Variants in DRC8 observed in about 807,000 individuals in gnomAD.
The protein encoded by DRC8 is dynein regulatory complex protein 8.
chr1:245,040,840 T>C, the DRC8 span, among the ~76,000 whole-genome samples: 3 of 152,204 alleles, frequency 2.0e-5, no homozygotes, highest in Admixed American at 6.5e-5. Context: ...AGTGTGAGCT[T>C]TTTCTAGGTG....
the DRC8 span, among the ~76,000 whole-genome samples, chr1:244,978,362 G>A: frequency 1.8e-4 from 28 of 152,046 alleles, no homozygotes; most frequent in African/African-American, 6.3e-4. Context: ...GCATGGTGGC[G>A]CATGCCTGTT....
chr1:245,097,750 G>T, the DRC8 span, among the ~76,000 whole-genome samples: 1 of 152,124 alleles, frequency 6.6e-6, no homozygotes, highest in Non-Finnish European at 1.5e-5. This position sits in a 1 kb window ranked among gnomAD's most constrained non-coding sequence, Gnocchi z 5.0. Context: ...TCCCCTCTAA[G>T]GAGGGGATCT....
chr1:244,971,097 A>C, the DRC8 span: 3 of 153,790 alleles, frequency 2.0e-5, no homozygotes, highest in Non-Finnish European at 4.3e-5. Flanking sequence ...ATGAGGACGC[A>C]GGAGGACGGT....
At chr1:245,044,712 G>T in the DRC8 span, among the ~76,000 whole-genome samples, 12 of 151,916 alleles carry the variant, frequency 7.9e-5, no homozygotes, top group Admixed American at 7.9e-4. Context: ...GATTACAGGC[G>T]CCTGCCACCA....
the DRC8 span, among the ~76,000 whole-genome samples, chr1:245,098,860 C>T: frequency 2.0e-4 from 31 of 152,296 alleles, no homozygotes; most frequent in East Asian, 4.8e-3. Flanking sequence ...TTCGATCCAG[C>T]GGAGCCCGTG....
chr1:245,015,792 A>T, the DRC8 span: 2 of 238,424 alleles, frequency 8.4e-6, no homozygotes, highest in African/African-American at 4.7e-5. Context: ...TCTGGCCCAC[A>T]TCTCTCACCT....
chr1:244,984,241 C>T, the DRC8 span, among the ~76,000 whole-genome samples: 1 of 152,114 alleles, frequency 6.6e-6, no homozygotes, highest in African/African-American at 2.4e-5. Flanking sequence ...GTATTAATTA[C>T]ATTATTTCTC....
chr1:245,022,720 C>T, the DRC8 span, among the ~76,000 whole-genome samples: 4 of 150,390 alleles, frequency 2.7e-5, no homozygotes, highest in Non-Finnish European at 4.4e-5. Context: ...TGTGCGTGTG[C>T]GTGTGTGTGT....
chr1:245,110,381 C>T, the DRC8 span, among the ~76,000 whole-genome samples: 4 of 95,684 alleles, frequency 4.2e-5, no homozygotes, highest in African/African-American at 1.6e-4. Flanking sequence ...GAGGTTCCTT[C>T]TCAAAAAACA....
chr1:245,124,460 C>G, the DRC8 span: 2 of 152,170 alleles, frequency 1.3e-5, no homozygotes, highest in Admixed American at 6.5e-5. Context: ...GGTGAGCCAT[C>G]CTCACAGGAT....
At chr1:245,120,935 G>A in the DRC8 span, among the ~76,000 whole-genome samples, 3 of 152,232 alleles carry the variant, frequency 2.0e-5, no homozygotes, top group Admixed American at 1.3e-4. Flanking sequence ...TACAAAGACC[G>A]GACAGTGGAG....
the DRC8 span, among the ~76,000 whole-genome samples, chr1:245,031,786 C>G: frequency 5.3e-5 from 8 of 152,044 alleles, no homozygotes; most frequent in Non-Finnish European, 1.2e-4. Context: ...CAGGATGGCC[C>G]CCTTCAGGGA....
the DRC8 span, among the ~76,000 whole-genome samples, chr1:245,070,266 A>C: frequency 6.6e-6 from 1 of 152,212 alleles, no homozygotes. Flanking sequence ...GCTTCCTAAT[A>C]TTTAATTATA....
the DRC8 span, among the ~76,000 whole-genome samples, chr1:245,115,172 C>G: frequency 6.6e-6 from 1 of 152,216 alleles, no homozygotes; most frequent in South Asian, 2.1e-4. Flanking sequence ...GCCTCAGCCT[C>G]CCAAGTAGCT....
At chr1:245,000,006 A>C in the DRC8 span, among the ~76,000 whole-genome samples, 1 of 152,166 alleles carries the variant, frequency 6.6e-6, no homozygotes, top group South Asian at 2.1e-4. Context: ...TTTAGTAGAC[A>C]TGGGGTTTCA....
the DRC8 span, among the ~76,000 whole-genome samples, chr1:245,076,054 T>C: frequency 1.3e-5 from 2 of 152,208 alleles, no homozygotes; most frequent in African/African-American, 4.8e-5. Context: ...TGCGCTATCT[T>C]ATTTAATTGC....
the DRC8 span, among the ~76,000 whole-genome samples, chr1:245,048,169 C>T: frequency 6.6e-6 from 1 of 152,060 alleles, no homozygotes; most frequent in African/African-American, 2.4e-5. Flanking sequence ...GTGTTGTTCA[C>T]ACCATGTTGT....
At chr1:245,012,320 A>G in the DRC8 span, among the ~76,000 whole-genome samples, 1 of 151,892 alleles carries the variant, frequency 6.6e-6, no homozygotes, top group East Asian at 1.9e-4. Flanking sequence ...CTAGTGTTCT[A>G]GATTATTAAT....
chr1:245,068,014 C>G, the DRC8 span, among the ~76,000 whole-genome samples: 1 of 12,738 alleles, frequency 7.9e-5, no homozygotes, highest in Non-Finnish European at 4.9e-3. Context: ...TACCATCCAG[C>G]CATTACTTCG....
Sources: gnomAD v4.1 joint callset for allele counts (sites outside exome capture counted in the v4.1 genomes callset) on GRCh38, gnomAD v4.1.1 for gene constraint, Gnocchi (gnomAD v3.1) non-coding constraint, MANE v1.5 for transcripts, NCBI Gene and HGNC (gene_info 2026-07-23, HGNC 2026-07-21) for gene names.